The following TBC1D21 variants were observed in gnomAD, a reference collection of about 807,000 sequenced individuals.
TBC1D21 encodes the protein male germ cell Rab GTPase-activating protein.
Under a neutral mutation model 46.0 loss-of-function variants are expected in TBC1D21, and 38 were observed. The ratio of observed to expected loss-of-function variants is 0.83; its 90% confidence interval spans 0.64 to 1.08. The LOEUF is 1.08. TBC1D21 is among the 50% of genes least tolerant of loss of function. The pLI, the probability that TBC1D21 is intolerant of heterozygous loss-of-function variation, is 0.00. For synonymous variants in TBC1D21, 151 were observed against 157.2 expected, an observed-to-expected ratio of 0.96 and a Z score of 0.29; for missense variants, 415 against 417.9, an observed-to-expected ratio of 0.99 and a Z score of 0.06.
the TBC1D21 span, among the ~76,000 whole-genome samples, chr15:73,901,772 C>T: frequency 6.6e-6 from 1 of 152,134 alleles, no homozygotes; most frequent in Admixed American, 6.5e-5. Context: ...TGACCTTCAC[C>T]CAAATAATCC....
In TBC1D21 at chr15:73,881,389, C is replaced by A. The variant is rs535334869; in HGVS notation, c.61-10C>A. The A allele has an allele frequency of 3.4e-5, 55 of 1,611,712 alleles. No homozygotes were observed. The East Asian group carries it at 1.1e-3, about 32-fold the overall frequency. ...TAACATAAGGCAGAACTGGTTGCTG[C>A]TTTTGCCAGGTGAAGAGAAAACCAC... is the stretch of plus-strand genomic sequence containing the variant. On this transcript the variant is annotated splice_polypyrimidine_tract_variant and intron_variant, in intron 1 of 10. Transcript: ENST00000300504.
At chr15:73,905,115 A>G in the TBC1D21 span, among the ~76,000 whole-genome samples, 1 of 152,208 alleles carries the variant, frequency 6.6e-6, no homozygotes, top group Non-Finnish European at 1.5e-5. Context: ...AGAGAGGCTC[A>G]GGGCCCACTT....
chr15:73,885,815 T>TACACAC (rs3057447), intron 6 of TBC1D21, among the ~76,000 whole-genome samples: 1 of 148,046 alleles, frequency 6.8e-6, no homozygotes, highest in African/African-American at 2.5e-5. Context: ...TACACACACA[T>TACACAC]ACACACACAC....
chr15:73,881,780 G>C (rs1474250942), intron 3 of TBC1D21, 33 bp downstream of exon 3: 1 of 1,593,176 alleles, frequency 6.3e-7, no homozygotes, highest in South Asian at 1.1e-5. Context: ...GGGACAGGAG[G>C]GGGGCCTGCA....
the TBC1D21 span, among the ~76,000 whole-genome samples, chr15:73,895,929 A>G: frequency 6.6e-6 from 1 of 152,202 alleles, no homozygotes; most frequent in African/African-American, 2.4e-5. Flanking sequence ...AATGCTAGGC[A>G]CTGAACTTTG....
chr15:73,904,998 A>G, the TBC1D21 span, among the ~76,000 whole-genome samples: 1 of 152,228 alleles, frequency 6.6e-6, no homozygotes, highest in Admixed American at 6.5e-5. Flanking sequence ...ATTTAGCGAC[A>G]AAAACACAAA....
chr15:73,884,724 C>A, intron 4 of TBC1D21, 57 bp from the exon 5 acceptor site: 2 of 1,278,566 alleles, frequency 1.6e-6, no homozygotes, highest in Admixed American at 1.8e-5. Context: ...GAAATTCACC[C>A]ATAGACCTGC....
In TBC1D21 at chr15:73,886,100, T is replaced by C. The variant is rs1320457295; in HGVS notation, c.602T>C (p.Ile201Thr). Residue 201 changes from isoleucine to threonine, a missense_variant, in exon 7 of 11, where the codon ATT (isoleucine) becomes ACT (threonine). Physicochemically the swap from Ile to Thr is moderately conservative, Grantham distance 89. Coordinates refer to ENST00000300504, the MANE Select transcript of TBC1D21 (RefSeq NM_153356.3). ...QKTEHSCVIN[I>T]GVAKNLDMLS... ...CAGGAACACAGCTGTGTCATCAACA[T>C]TGGCGTGGCCAAGAACCTAGACATG... The C allele has an allele frequency of 3.7e-6, 6 of 1,614,184 alleles. No homozygotes were observed. Among genetic ancestry groups the C allele is most frequent in the Admixed American group, 3.3e-5 (2 of 60,022 alleles).
chr15:73,908,995 T>C, the TBC1D21 span, among the ~76,000 whole-genome samples: 6 of 152,328 alleles, frequency 3.9e-5, no homozygotes, highest in Non-Finnish European at 8.8e-5. Context: ...CTGTGTGACC[T>C]TGGGCTCCTA....
intron 1 of TBC1D21, among the ~76,000 whole-genome samples, chr15:73,875,734 A>G (rs112991941): frequency 0.028 from 4,316 of 152,218 alleles, 207 homozygotes; most frequent in African/African-American, 0.098. Flanking sequence ...GCTTCCCAGG[A>G]CACTAGGAAA....
At chr15:73,885,925 T>TCA (rs1032084344) in intron 6 of TBC1D21, among the ~76,000 whole-genome samples, 153 bp from the exon 7 acceptor site, 21 of 150,262 alleles carry the variant, frequency 1.4e-4, no homozygotes, top group African/African-American at 4.7e-4. Context: ...ATGCACACAC[T>TCA]CACACACACA....
chr15:73,881,778 A>AG lies in TBC1D21; in HGVS notation c.272+37dup, dbSNP rs773749912. On this transcript the variant is annotated intron_variant, in intron 3 of 10. Coordinates refer to ENST00000300504, the MANE Select transcript of TBC1D21 (RefSeq NM_153356.3). ...ACACTCCAGACCCTGCTGGGACAGGAGGGGGGCCTGCAGGTGGCAGGTGCT... is the reference window on the plus strand; with the variant it reads ...ACACTCCAGACCCTGCTGGGACAGGAGGGGGGGCCTGCAGGTGGCAGGTGCT... 5 of 1,598,726 alleles carry AG rather than the reference A, an allele frequency of 3.1e-6. No individual in the cohort carries two copies. In the African/African-American group the frequency reaches 4.0e-5, roughly 13 times the overall value.
chr15:73,884,959 C>T, intron 5 of TBC1D21, 44 bp from the exon 6 acceptor site: 1 of 1,600,560 alleles, frequency 6.2e-7, no homozygotes, highest in Non-Finnish European at 8.6e-7. Context: ...AGGGTCCAGG[C>T]TCTCCCACCC....
At chr15:73,901,248 C>T in the TBC1D21 span, among the ~76,000 whole-genome samples, 2 of 152,236 alleles carry the variant, frequency 1.3e-5, no homozygotes, top group Admixed American at 6.5e-5. Flanking sequence ...TTTAAAGCCA[C>T]ATCCCCTGCA....
chr15:73,889,287 G>C, downstream of TBC1D21: 1 of 646,786 alleles, frequency 1.5e-6, no homozygotes, highest in Non-Finnish European at 2.6e-6. Context: ...AGGGTCGTAC[G>C]ATAGGAAGAG....
At chr15:73,904,620 G>T in the TBC1D21 span, among the ~76,000 whole-genome samples, 1 of 152,166 alleles carries the variant, frequency 6.6e-6, no homozygotes, top group East Asian at 1.9e-4. Context: ...GAATCAGCTT[G>T]GGGGAAGGGG....
the TBC1D21 span, among the ~76,000 whole-genome samples, chr15:73,902,063 C>T: frequency 2.6e-5 from 4 of 152,216 alleles, no homozygotes; most frequent in African/African-American, 9.7e-5. Flanking sequence ...ATCCTCCTGC[C>T]TTGGCCTCCC....
At chr15:73,892,072 C>G (rs2068341726), downstream of TBC1D21, among the ~76,000 whole-genome samples, 1 of 152,198 alleles carries the variant, frequency 6.6e-6, no homozygotes, top group Admixed American at 6.5e-5. Context: ...CCCATGGCCA[C>G]CCATGGACAA....
rs375143943 is a variant in TBC1D21 at position 73,873,692 on chromosome 15, C to G, written c.-18C>G. ...AAGTGAGTTCTGATCAGAGGCTGTT[C>G]GGAAGACAGCAGGGGCCATGACCAC... On this transcript the variant is annotated 5_prime_UTR_variant, in exon 1 of 11. Transcript: ENST00000300504. 6.3e-7 allele frequency: 1 copy of G among 1,597,464 alleles called. No homozygotes were observed. Among genetic ancestry groups the G allele is most frequent in the South Asian group, 1.1e-5 (1 of 88,624 alleles).
Sources: allele counts gnomAD v4.1 joint callset (sites outside exome capture counted in the v4.1 genomes callset), GRCh38; gene constraint gnomAD v4.1.1; transcripts MANE v1.5; gene names NCBI Gene and HGNC (gene_info 2026-07-23, HGNC 2026-07-21).